SUGCT: variants seen among roughly 807,000 people sequenced by gnomAD.
The protein encoded by SUGCT is succinyl-CoA:glutarate CoA-transferase.
A neutral mutation model predicts 55.0 loss-of-function variants in SUGCT; 41 were observed. The ratio of observed to expected loss-of-function variants is 0.74; its 90% CI spans 0.58 to 0.97. SUGCT has a LOEUF of 0.97. Ranked by LOEUF, SUGCT falls within the 50% of genes least tolerant of loss-of-function variation. The probability of loss-of-function intolerance (pLI) is 0.00; values close to 1 mark genes in which losing one functional copy is unlikely to be tolerated. For missense variants in SUGCT, 568 were observed against 547.8 expected, an observed-to-expected ratio of 1.04 and a Z score of -0.37; for synonymous variants, 187 against 200.4, an observed-to-expected ratio of 0.93 and a Z score of 0.56.
chr7:41,021,009 C>T, the SUGCT span, among the ~76,000 whole-genome samples: 8 of 152,320 alleles, frequency 5.3e-5, no homozygotes, highest in African/African-American at 1.9e-4. Flanking sequence ...CTCCGTGAGG[C>T]ACAGTGCTTG....
the SUGCT span, among the ~76,000 whole-genome samples, chr7:40,937,048 A>C: frequency 6.6e-6 from 1 of 152,216 alleles, no homozygotes; most frequent in Non-Finnish European, 1.5e-5. Flanking sequence ...CTGTATGCAC[A>C]CAAGAATAAT....
In SUGCT at chr7:40,293,876, A is replaced by C. The variant is rs1255615192; in HGVS notation, c.720+19220A>C. ...TGGCTTGTCTGGGGGATAGTTCTGT[A>C]CTTAATGTCTTTGCTCTACAGGCTA... On this transcript the variant is annotated intron_variant, in intron 8 of 13. Coordinates refer to ENST00000335693, the MANE Select transcript of SUGCT (RefSeq NM_001193313.2). Among the ~76,000 whole-genome samples, 11 of 152,180 alleles carry C rather than the reference A, an allele frequency of 7.2e-5. No homozygotes were observed. In the East Asian group the frequency reaches 2.1e-3, roughly 29 times the overall value.
intron 13 of SUGCT, among the ~76,000 whole-genome samples, chr7:40,834,503 A>G (rs753304503): frequency 1.4e-4 from 22 of 152,188 alleles, no homozygotes; most frequent in Non-Finnish European, 2.6e-4. Flanking sequence ...TTTAACTAAA[A>G]ACTAATTGCA....
chr7:40,162,045 C>T (rs1204665349), intron 1 of SUGCT, among the ~76,000 whole-genome samples: 1 of 151,898 alleles, frequency 6.6e-6, no homozygotes, highest in Non-Finnish European at 1.5e-5. Flanking sequence ...TACAGGCGCC[C>T]ACCACTATGC....
intron 9 of SUGCT, among the ~76,000 whole-genome samples, chr7:40,393,991 C>T (rs1344335): frequency 0.99 from 150,440 of 152,322 alleles, 74,322 homozygotes; most frequent in Middle Eastern, 1. Flanking sequence ...GATTGTGTCT[C>T]AGTCTGCAGT....
At chr7:40,159,433 T>C (rs1297948057) in intron 1 of SUGCT, among the ~76,000 whole-genome samples, 1 of 152,000 alleles carries the variant, frequency 6.6e-6, no homozygotes, top group East Asian at 1.9e-4. Flanking sequence ...TGCAGTGATA[T>C]GATATCGGCT....
At chr7:40,619,172 G>C (rs954804532) in intron 12 of SUGCT, among the ~76,000 whole-genome samples, 1 of 152,174 alleles carries the variant, frequency 6.6e-6, no homozygotes, top group African/African-American at 2.4e-5. Context: ...GTCTGCTTCT[G>C]TAAGAACCCA....
At chr7:40,590,968 G>A (rs950603014) in intron 12 of SUGCT, among the ~76,000 whole-genome samples, 3 of 152,158 alleles carry the variant, frequency 2.0e-5, no homozygotes, top group Non-Finnish European at 2.9e-5. Context: ...ACCCAAGAGC[G>A]CTGATGGAGA....
downstream of SUGCT, among the ~76,000 whole-genome samples, chr7:40,861,776 T>C (rs1794489870): frequency 6.6e-6 from 1 of 152,242 alleles, no homozygotes; most frequent in Non-Finnish European, 1.5e-5. Flanking sequence ...TGTTTACTAA[T>C]TTTTGAAACA....
At chr7:40,514,501 G>A (rs1583872407) in intron 12 of SUGCT, among the ~76,000 whole-genome samples, 1 of 151,946 alleles carries the variant, frequency 6.6e-6, no homozygotes, top group Non-Finnish European at 1.5e-5. Flanking sequence ...CTGAGGTCAG[G>A]AGTTCAAGAC....
At chr7:40,974,137 G>C in the SUGCT span, among the ~76,000 whole-genome samples, 1 of 152,180 alleles carries the variant, frequency 6.6e-6, no homozygotes, top group South Asian at 2.1e-4. Flanking sequence ...TGCCTAAAGA[G>C]CCACCTTCAA....
intron 9 of SUGCT, among the ~76,000 whole-genome samples, chr7:40,439,064 G>GTGTGTATATATATATATA (rs1283539157): frequency 3.7e-5 from 1 of 27,194 alleles, no homozygotes; most frequent in Non-Finnish European, 6.9e-5. Flanking sequence ...TATATATGGT[G>GTGTGTATATATATATATA]TATATATATA....
chr7:40,896,952 C>T, the SUGCT span, among the ~76,000 whole-genome samples: 1 of 152,162 alleles, frequency 6.6e-6, no homozygotes, highest in East Asian at 1.9e-4. Flanking sequence ...AACCTGATTT[C>T]AAGATACACT....
chr7:40,989,325 A>G, the SUGCT span, among the ~76,000 whole-genome samples: 1 of 152,190 alleles, frequency 6.6e-6, no homozygotes, highest in Non-Finnish European at 1.5e-5. Context: ...TGCTTTATCA[A>G]CTTAGTTTAT....
At chr7:40,463,690 A>G (rs951650548) in intron 11 of SUGCT, among the ~76,000 whole-genome samples, 6 of 152,110 alleles carry the variant, frequency 3.9e-5, no homozygotes, top group Non-Finnish European at 5.9e-5. Flanking sequence ...AGCACACACG[A>G]TTCCCCTCAA....
chr7:40,954,279 C>T, the SUGCT span, among the ~76,000 whole-genome samples: 7 of 152,158 alleles, frequency 4.6e-5, no homozygotes, highest in African/African-American at 1.4e-4. Flanking sequence ...TCCTGGTGTG[C>T]CGTTTGTGAA....
intron 12 of SUGCT, among the ~76,000 whole-genome samples, chr7:40,692,667 A>G (rs1784751704): frequency 2.0e-5 from 3 of 152,202 alleles, no homozygotes. Context: ...ACACCGGGAT[A>G]GTTGTACTGG....
At chr7:40,774,783 A>G (rs1789366845) in intron 13 of SUGCT, among the ~76,000 whole-genome samples, 1 of 152,006 alleles carries the variant, frequency 6.6e-6, no homozygotes, top group Admixed American at 6.5e-5. Context: ...CAAATAAAAA[A>G]AAAAAAAAAC....
chr7:40,292,765 A>G (rs963142972), intron 8 of SUGCT, among the ~76,000 whole-genome samples: 1 of 152,188 alleles, frequency 6.6e-6, no homozygotes, highest in African/African-American at 2.4e-5. Flanking sequence ...ATAATGCACT[A>G]TCTTATCTTG....
Sources: gnomAD v4.1 joint callset for allele counts (sites outside exome capture counted in the v4.1 genomes callset) on GRCh38, gnomAD v4.1.1 for gene constraint, MANE v1.5 for transcripts, NCBI Gene and HGNC (gene_info 2026-07-23, HGNC 2026-07-21) for gene names.